PBX1: variants seen among roughly 807,000 people sequenced by gnomAD.
The protein encoded by PBX1 is PBX homeobox 1.
Under a neutral mutation model 53.4 loss-of-function variants are expected in PBX1, and 6 were observed. The observed-to-expected ratio is 0.11, with a 90% CI of 0.06 to 0.22. The LOEUF is 0.22. Among genes scored for constraint, PBX1 ranks in the 10% least tolerant of loss-of-function variants. The pLI, the probability that PBX1 is intolerant of heterozygous loss-of-function variation, is 1.00. For missense variants in PBX1, 251 were observed against 551.4 expected, an observed-to-expected ratio of 0.46 and a Z score of 5.46; for synonymous variants, 204 against 212.3, an observed-to-expected ratio of 0.96 and a Z score of 0.34.
At chr1:164,663,288 A>G (rs1445753323) in intron 2 of PBX1, among the ~76,000 whole-genome samples, 5 of 123,906 alleles carry the variant, frequency 4.0e-5, no homozygotes, top group Admixed American at 8.1e-5. Flanking sequence ...CTGCCTTCCT[A>G]CCTGCCTGCC....
chr1:164,658,478 A>G (rs1660296112), intron 2 of PBX1, among the ~76,000 whole-genome samples: 1 of 152,236 alleles, frequency 6.6e-6, no homozygotes, highest in Non-Finnish European at 1.5e-5. Context: ...TAATACAGAT[A>G]ATGGCTGTGA....
At chr1:164,731,206 C>A (rs1407613637) in intron 2 of PBX1, among the ~76,000 whole-genome samples, 1 of 151,878 alleles carries the variant, frequency 6.6e-6, no homozygotes, top group Non-Finnish European at 1.5e-5. Flanking sequence ...AGAGGATGAC[C>A]TACTTGACCT....
intron 2 of PBX1, among the ~76,000 whole-genome samples, chr1:164,859,223 T>TAAGA (rs1181324739): frequency 6.6e-6 from 1 of 152,140 alleles, no homozygotes. Flanking sequence ...ACCTCAAATC[T>TAAGA]AAGAAAAAGG....
chr1:164,657,263 A>G (rs769800508), intron 2 of PBX1: 3 of 152,184 alleles, frequency 2.0e-5, no homozygotes, highest in African/African-American at 7.2e-5. Flanking sequence ...GAACATTTTT[A>G]GGATGTAGAA....
At chr1:164,775,083 T>C (rs1667579555) in intron 2 of PBX1, among the ~76,000 whole-genome samples, 1 of 152,014 alleles carries the variant, frequency 6.6e-6, no homozygotes, top group African/African-American at 2.4e-5. Context: ...CGCTTAGGGG[T>C]CAGGGGTGTC....
At chr1:164,837,295 G>A (rs915666909) in intron 8 of PBX1, among the ~76,000 whole-genome samples, 11 of 152,192 alleles carry the variant, frequency 7.2e-5, no homozygotes, top group African/African-American at 2.2e-4. Flanking sequence ...ATTCAGGGCT[G>A]TATAGGTTCA....
chr1:164,623,758 C>T (rs971835187), intron 2 of PBX1, among the ~76,000 whole-genome samples: 2 of 152,194 alleles, frequency 1.3e-5, no homozygotes, highest in African/African-American at 2.4e-5. Context: ...TTCATTACCA[C>T]GTTAACAAAC....
chr1:164,676,644 G>A (rs867622582), intron 2 of PBX1, among the ~76,000 whole-genome samples: 1 of 152,200 alleles, frequency 6.6e-6, no homozygotes, highest in Admixed American at 6.5e-5. Context: ...AGCCTCTGGA[G>A]TGCCATTGCC....
At chr1:164,709,117 C>T (rs527254248) in intron 2 of PBX1, among the ~76,000 whole-genome samples, 2 of 152,240 alleles carry the variant, frequency 1.3e-5, no homozygotes, top group East Asian at 1.9e-4. Flanking sequence ...ATGTCAGTGA[C>T]GTGGCAGACA....
chr1:164,661,614 A>G (rs1346518585), intron 2 of PBX1, among the ~76,000 whole-genome samples: 1 of 151,838 alleles, frequency 6.6e-6, no homozygotes, highest in Non-Finnish European at 1.5e-5. Context: ...TTTAGTAGAG[A>G]CGGGGTTTCA....
chr1:164,845,298 C>T (rs1030254445), intron 8 of PBX1, among the ~76,000 whole-genome samples: 3 of 142,110 alleles, frequency 2.1e-5, no homozygotes, highest in Non-Finnish European at 4.8e-5. Flanking sequence ...TTCTCTTGCA[C>T]CTCTGCTCTC....
intron 8 of PBX1, among the ~76,000 whole-genome samples, chr1:164,827,305 ATTC>A (rs1325789742): frequency 2.6e-5 from 4 of 152,212 alleles, no homozygotes; most frequent in African/African-American, 7.2e-5. Context: ...CACAGTTTTA[ATTC>A]TTCTATTTTA....
intron 2 of PBX1, among the ~76,000 whole-genome samples, chr1:164,671,397 T>C (rs970602658): frequency 6.6e-6 from 1 of 152,180 alleles, no homozygotes; most frequent in Admixed American, 6.5e-5. Context: ...ATTTTTCTTT[T>C]AAATGACTGC....
At chr1:164,739,355 C>T (rs932713689) in intron 2 of PBX1, among the ~76,000 whole-genome samples, 2 of 152,136 alleles carry the variant, frequency 1.3e-5, no homozygotes, top group Non-Finnish European at 2.9e-5. Flanking sequence ...TTTTCCACCT[C>T]GGCTGCTGAT....
intron 5 of PBX1, among the ~76,000 whole-genome samples, chr1:164,807,981 T>A (rs1420373953): frequency 6.6e-6 from 1 of 152,222 alleles, no homozygotes; most frequent in East Asian, 1.9e-4. Context: ...GTGTCTAAAG[T>A]GTACTAGGAA....
At chr1:164,594,014 G>A (rs1421292173) in intron 2 of PBX1, among the ~76,000 whole-genome samples, 1 of 152,158 alleles carries the variant, frequency 6.6e-6, no homozygotes, top group Non-Finnish European at 1.5e-5. Flanking sequence ...TTTCTTGGTA[G>A]AACCTCCTGG....
chr1:164,604,411 G>A (rs1206388770), intron 2 of PBX1, among the ~76,000 whole-genome samples: 1 of 152,144 alleles, frequency 6.6e-6, no homozygotes, highest in Admixed American at 6.5e-5. Flanking sequence ...ACAATCTGAG[G>A]TCCCTTCCAC....
At chr1:164,626,024 T>C in intron 2 of PBX1, 1 of 1,042,376 alleles carries the variant, frequency 9.6e-7, no homozygotes, top group Non-Finnish European at 1.2e-6. Context: ...CTCCTCTGCT[T>C]CTACCTCCGG....
chr1:164,658,871 T>A (rs1234814086), intron 2 of PBX1, among the ~76,000 whole-genome samples: 1 of 152,222 alleles, frequency 6.6e-6, no homozygotes, highest in African/African-American at 2.4e-5. Context: ...TATCCCCATT[T>A]TATAGCTGAG....
Sources: gnomAD v4.1 joint callset for allele counts (sites outside exome capture counted in the v4.1 genomes callset) on GRCh38, gnomAD v4.1.1 for gene constraint, MANE v1.5 for transcripts, NCBI Gene and HGNC (gene_info 2026-07-23, HGNC 2026-07-21) for gene names.